ABCA13: variants seen among roughly 807,000 people sequenced by gnomAD.
The protein encoded by ABCA13 is ATP-binding cassette sub-family A member 13.
Under a neutral mutation model 478.7 loss-of-function variants are expected in ABCA13, and 476 were observed. The observed-to-expected ratio is 0.99, with a 90% CI of 0.92 to 1.07. The LOEUF (loss-of-function observed/expected upper bound fraction) is 1.07. Ranked by LOEUF, ABCA13 falls within the 50% of genes least tolerant of loss-of-function variation. ABCA13 has a pLI of 0.00. For missense variants in ABCA13, 6,060 were observed against 5,910.6 expected (o/e 1.03, Z -0.83); for synonymous variants, 2,252 against 2,158.9 (o/e 1.04, Z -1.20).
chr7:48,229,717 C>G, intron 6 of ABCA13, 108 bp from the exon 7 acceptor site: 1 of 1,333,408 alleles, frequency 7.5e-7, no homozygotes, highest in Non-Finnish European at 1.0e-6. Context: ...CCACATCTTG[C>G]AACAGCACTA....
chr7:48,595,029 C>A (rs1391982313), intron 58 of ABCA13, among the ~76,000 whole-genome samples: 1 of 152,162 alleles, frequency 6.6e-6, no homozygotes, highest in Admixed American at 6.5e-5. Flanking sequence ...AAATAGGTGG[C>A]AGAGCTAGAA....
At chr7:48,357,673 G>A (rs1411633390) in intron 31 of ABCA13, among the ~76,000 whole-genome samples, 1 of 151,786 alleles carries the variant, frequency 6.6e-6, no homozygotes, top group African/African-American at 2.4e-5. Flanking sequence ...AACCTTAAAA[G>A]TACAGTGGAA....
At chr7:48,627,875 C>T (rs978286106) in intron 59 of ABCA13, among the ~76,000 whole-genome samples, 1 of 152,130 alleles carries the variant, frequency 6.6e-6, no homozygotes, top group African/African-American at 2.4e-5. Flanking sequence ...TATGTAACAA[C>T]CCACTTTAAT....
At chr7:48,290,940 GAAAAAAA>G (rs57470116) in intron 20 of ABCA13, among the ~76,000 whole-genome samples, 32 of 48,834 alleles carry the variant, frequency 6.6e-4, no homozygotes, top group South Asian at 2.0e-3. Flanking sequence ...CACACTCAGG[GAAAAAAA>G]AAAAAAAAAA....
intron 59 of ABCA13, among the ~76,000 whole-genome samples, chr7:48,627,764 G>A (rs1232291598): frequency 6.6e-6 from 1 of 152,168 alleles, no homozygotes; most frequent in Non-Finnish European, 1.5e-5. Flanking sequence ...GGCTGCCTCT[G>A]GTCGGCTTCT....
intron 15 of ABCA13, among the ~76,000 whole-genome samples, chr7:48,252,936 G>A (rs1163598408): frequency 1.3e-5 from 2 of 152,012 alleles, no homozygotes; most frequent in Non-Finnish European, 2.9e-5. Context: ...CCCAGCTTTT[G>A]TAGCATGGCT....
chr7:48,513,815 G>A (rs528567689), intron 51 of ABCA13, among the ~76,000 whole-genome samples: 1 of 152,142 alleles, frequency 6.6e-6, no homozygotes, highest in African/African-American at 2.4e-5. Context: ...GTTAATTTGA[G>A]CCAAGTATTT....
Position 48,629,218 on chromosome 7 carries a change from G to A in ABCA13, c.14837+13841G>A, listed in dbSNP as rs544491885. On this transcript the variant is annotated intron_variant, in intron 59 of 61. Coordinates refer to ENST00000435803, the MANE Select transcript of ABCA13 (RefSeq NM_152701.5). ...GCCAGACTTAGTGCTGGTGTACACCGGCTTGCCAAGAATTAATGTGCATTG... is the reference window on the plus strand; with the variant it reads ...GCCAGACTTAGTGCTGGTGTACACCAGCTTGCCAAGAATTAATGTGCATTG... Among the ~76,000 whole-genome samples the A allele has an allele frequency of 1.3e-3, 193 of 152,246 alleles. 2 individuals carry two copies. In the South Asian group the frequency reaches 0.03, roughly 23 times the overall value.
At chr7:48,475,966 C>T (rs1174314226) in intron 45 of ABCA13, among the ~76,000 whole-genome samples, 2 of 152,184 alleles carry the variant, frequency 1.3e-5, no homozygotes, top group East Asian at 3.9e-4. Flanking sequence ...AACACTATGA[C>T]CCAAAACATG....
intron 31 of ABCA13, 83 bp downstream of exon 31, chr7:48,352,570 A>G: frequency 3.5e-6 from 5 of 1,409,634 alleles, no homozygotes; most frequent in African/African-American, 1.5e-5. Context: ...CAGTTTTTCT[A>G]TGGTTATTTC....
chr7:48,200,654 T>C (rs1450727460), intron 3 of ABCA13, among the ~76,000 whole-genome samples: 2 of 151,822 alleles, frequency 1.3e-5, no homozygotes, highest in African/African-American at 2.4e-5. Flanking sequence ...GGAAAGGAAA[T>C]TGTAAGGAGT....
At chr7:48,225,534 G>A (rs942477198) in intron 5 of ABCA13, among the ~76,000 whole-genome samples, 4 of 152,096 alleles carry the variant, frequency 2.6e-5, no homozygotes, top group East Asian at 1.9e-4. Flanking sequence ...GTCCTTAACA[G>A]CAAAAGAAAA....
At chr7:48,521,282 A>T (rs1390101826) in intron 53 of ABCA13, among the ~76,000 whole-genome samples, 1 of 152,114 alleles carries the variant, frequency 6.6e-6, no homozygotes, top group East Asian at 1.9e-4. Context: ...CCTCTACTTG[A>T]GGGAGGGATC....
At chr7:48,328,745 A>T (rs1461396544) in intron 27 of ABCA13, among the ~76,000 whole-genome samples, 1 of 152,074 alleles carries the variant, frequency 6.6e-6, no homozygotes, top group Non-Finnish European at 1.5e-5. Flanking sequence ...AAAAAATAAT[A>T]AAAAAACCCA....
intron 13 of ABCA13, among the ~76,000 whole-genome samples, chr7:48,247,927 A>G (rs534701794): frequency 3.9e-5 from 6 of 152,296 alleles, no homozygotes; most frequent in Admixed American, 3.9e-4. Context: ...GGTGGTACTG[A>G]GAGTGAGACT....
chr7:48,518,918 A>G (rs1301855934), intron 52 of ABCA13, among the ~76,000 whole-genome samples: 1 of 152,098 alleles, frequency 6.6e-6, no homozygotes, highest in Non-Finnish European at 1.5e-5. Flanking sequence ...TCACCTAGGT[A>G]TTAAGCCCAG....
intron 19 of ABCA13, among the ~76,000 whole-genome samples, chr7:48,286,478 T>C (rs913368161): frequency 1.5e-5 from 2 of 134,782 alleles, no homozygotes; most frequent in Non-Finnish European, 3.1e-5. Flanking sequence ...ATGCTGGAAC[T>C]GTTTTTTCCC....
At chr7:48,582,615 G>C (rs563553804) in intron 56 of ABCA13, among the ~76,000 whole-genome samples, 1 of 152,256 alleles carries the variant, frequency 6.6e-6, no homozygotes, top group Admixed American at 6.5e-5. Flanking sequence ...TTGCGGGGAG[G>C]CTCCTTTGTT....
chr7:48,176,132 T>A (rs1794844863), intron 1 of ABCA13, among the ~76,000 whole-genome samples: 1 of 152,192 alleles, frequency 6.6e-6, no homozygotes, highest in Admixed American at 6.5e-5. Flanking sequence ...ACCTTGGATC[T>A]CTGTTCTGAA....
Sources: allele counts gnomAD v4.1 joint callset (sites outside exome capture counted in the v4.1 genomes callset), GRCh38; gene constraint gnomAD v4.1.1; transcripts MANE v1.5; gene names NCBI Gene and HGNC (gene_info 2026-07-23, HGNC 2026-07-21).